The following ACBD6 variants were observed in gnomAD, a reference collection of about 807,000 sequenced individuals.
ACBD6 encodes the protein acyl-CoA binding domain containing 6.
ACBD6 carries 28 observed loss-of-function variants against 37.2 expected under a neutral mutation model. That is an observed-to-expected ratio of 0.75 (90% CI 0.56 to 1.03). ACBD6 has a LOEUF of 1.03. Ranked by LOEUF, ACBD6 falls within the 50% of genes least tolerant of loss-of-function variation. ACBD6 has a pLI of 0.00. For synonymous variants in ACBD6, 113 were observed against 126.8 expected, an observed-to-expected ratio of 0.89 and a Z score of 0.73; for missense variants, 340 against 337.4, an observed-to-expected ratio of 1.01 and a Z score of -0.06.
chr1:180,409,669 A>G (rs1647774080), intron 5 of ACBD6, among the ~76,000 whole-genome samples: 1 of 152,220 alleles, frequency 6.6e-6, no homozygotes, highest in Non-Finnish European at 1.5e-5. Context: ...ACCAACAGAT[A>G]CTTTGTGTGT....
intron 6 of ACBD6, among the ~76,000 whole-genome samples, chr1:180,341,364 G>C (rs1008512862): frequency 6.6e-6 from 1 of 152,056 alleles, no homozygotes; most frequent in Non-Finnish European, 1.5e-5. Flanking sequence ...AAACTATGTA[G>C]AGCATGGTCC....
intron 6 of ACBD6, among the ~76,000 whole-genome samples, chr1:180,329,774 G>A (rs552750617): frequency 2.6e-5 from 4 of 152,170 alleles, no homozygotes; most frequent in East Asian, 3.9e-4. Flanking sequence ...TCTGTAGCCC[G>A]TGCACACTTC....
chr1:180,328,455 A>G (rs920908168), intron 6 of ACBD6, among the ~76,000 whole-genome samples: 1 of 151,424 alleles, frequency 6.6e-6, no homozygotes, highest in Non-Finnish European at 1.5e-5. Context: ...TGATGCTCTA[A>G]TTCAATTCAC....
At chr1:180,291,464 C>T (rs1275396494) in intron 7 of ACBD6, among the ~76,000 whole-genome samples, 1 of 152,166 alleles carries the variant, frequency 6.6e-6, no homozygotes, top group African/African-American at 2.4e-5. Context: ...TCCCTAATGT[C>T]TAACAATGAA....
At position 180,282,972 on chromosome 1, in the gene ACBD6, GTT is replaced by G. The variant is rs34828086; in HGVS notation, c.*94-1588_*94-1587del. 5.5e-3 allele frequency among the ~76,000 whole-genome samples: 601 copies of G among 109,978 alleles called. 5 individuals are homozygous for G. Among genetic ancestry groups the G allele is most frequent in the African/African-American group, 0.017 (533 of 31,512 alleles). The allele number at this position is 109,978 out of a possible 152,430, so 72.1% of individuals were successfully genotyped here. A position where few individuals can be genotyped will look rare whatever the true frequency, so the allele number is the denominator to read the frequency against. On this transcript the variant is annotated intron_variant, in intron 8 of 13. Coordinates refer to the ACBD6 transcript ENST00000642319. Reference sequence around the variant, plus strand: ...TATAAACAATAATATATGTCTTTCTGTTTTTTTTTTTTTTTTTTTTTGGAAGG... The same window carrying G: ...TATAAACAATAATATATGTCTTTCTGTTTTTTTTTTTTTTTTTTTGGAAGG...
At chr1:180,298,431 G>C (rs1359990015) in intron 7 of ACBD6, among the ~76,000 whole-genome samples, 1 of 152,188 alleles carries the variant, frequency 6.6e-6, no homozygotes, top group Non-Finnish European at 1.5e-5. Flanking sequence ...GGGCTAAGTA[G>C]ATGTGTGCTA....
chr1:180,379,672 T>C (rs1454573437), intron 6 of ACBD6, among the ~76,000 whole-genome samples: 1 of 152,032 alleles, frequency 6.6e-6, no homozygotes, highest in Non-Finnish European at 1.5e-5. Flanking sequence ...ATCTCAGAAC[T>C]TGAAGACAGG....
At chr1:180,276,425 G>A (rs1486508038) in intron 9 of ACBD6, 1 of 152,116 alleles carries the variant, frequency 6.6e-6, no homozygotes, top group Admixed American at 6.5e-5. Flanking sequence ...GCGTACCCTC[G>A]TTTTTTGGTG....
intron 3 of ACBD6, among the ~76,000 whole-genome samples, chr1:180,484,056 C>A (rs183507929): frequency 1.2e-3 from 189 of 152,268 alleles, no homozygotes; most frequent in African/African-American, 3.9e-3. Context: ...AAAATTACTA[C>A]AAGACTTACA....
intron 6 of ACBD6, among the ~76,000 whole-genome samples, chr1:180,353,326 G>A (rs994352722): frequency 6.6e-6 from 1 of 152,134 alleles, no homozygotes; most frequent in African/African-American, 2.4e-5. Context: ...AGATTGGTTA[G>A]TAAATACTTC....
At chr1:180,300,635 T>G (rs2764468) in intron 7 of ACBD6, among the ~76,000 whole-genome samples, 17,849 of 152,124 alleles carry the variant, frequency 0.12, 1,599 homozygotes, top group African/African-American at 0.25. Flanking sequence ...AACATATATG[T>G]CATTTGTTTT....
intron 6 of ACBD6, among the ~76,000 whole-genome samples, chr1:180,329,611 T>A (rs899184046): frequency 3.3e-5 from 5 of 152,190 alleles, no homozygotes; most frequent in African/African-American, 1.2e-4. Flanking sequence ...ATTCTTTTTT[T>A]AAACTTTTGG....
intron 5 of ACBD6, among the ~76,000 whole-genome samples, chr1:180,404,578 C>T (rs1011264703): frequency 3.9e-4 from 59 of 152,244 alleles, no homozygotes; most frequent in African/African-American, 1.3e-3. Context: ...TTGCCTCAGC[C>T]TCCCAAGCAG....
chr1:180,271,777 G>A, exon 14 of ACBD6: 1 of 1,598,244 alleles, frequency 6.3e-7, no homozygotes, highest in Non-Finnish European at 8.6e-7. Context: ...GGGGGTCCTG[G>A]GGGCTTTGGG....
chr1:180,408,027 A>C (rs1294500404), intron 5 of ACBD6, among the ~76,000 whole-genome samples: 1 of 152,164 alleles, frequency 6.6e-6, no homozygotes, highest in Non-Finnish European at 1.5e-5. Context: ...CTGATCCAAA[A>C]CCCTTTTGAA....
chr1:180,289,038 T>TAAAAAAAAA (rs11353397), intron 7 of ACBD6, among the ~76,000 whole-genome samples: 4 of 102,938 alleles, frequency 3.9e-5, no homozygotes, highest in Admixed American at 9.4e-5. Flanking sequence ...CTACAGGAAC[T>TAAAAAAAAA]AAAAAAAAAA....
intron 6 of ACBD6, among the ~76,000 whole-genome samples, chr1:180,369,209 CT>C (rs1265672713): frequency 6.6e-6 from 1 of 152,234 alleles, no homozygotes; most frequent in Non-Finnish European, 1.5e-5. Flanking sequence ...CTACGCAGGG[CT>C]CCAACCCATA....
At position 180,431,832 on chromosome 1, in the gene ACBD6, G is replaced by A. The variant is rs534092917; in HGVS notation, c.385-1570C>T. 2.0e-5 allele frequency among the ~76,000 whole-genome samples: 3 copies of A among 152,190 alleles called. No individual in the cohort carries two copies. In the South Asian group the frequency reaches 6.2e-4, roughly 32 times the overall value. On this transcript the variant is annotated intron_variant, in intron 3 of 7. Coordinates refer to ENST00000367595, the MANE Select transcript of ACBD6 (RefSeq NM_032360.4). ...CAAGCATAGCTTCTTAAAAAAGAAT[G>A]ACTCCTAGAAGGTAACATGGCGGAA...
At chr1:180,427,664 T>A (rs1041665797) in intron 4 of ACBD6, among the ~76,000 whole-genome samples, 4 of 152,194 alleles carry the variant, frequency 2.6e-5, no homozygotes, top group African/African-American at 9.7e-5. Context: ...GGCTCACGCC[T>A]GTAATCCCAG....
Sources: gnomAD v4.1 joint callset for allele counts (sites outside exome capture counted in the v4.1 genomes callset) on GRCh38, gnomAD v4.1.1 for gene constraint, MANE v1.5 for transcripts, NCBI Gene and HGNC (gene_info 2026-07-23, HGNC 2026-07-21) for gene names.